Variants in ACACB observed in about 807,000 individuals in gnomAD.
The protein encoded by ACACB is acetyl-CoA carboxylase 2.
A neutral mutation model predicts 278.8 loss-of-function variants in ACACB; 209 were observed. The observed-to-expected ratio is 0.75, with a 90% confidence interval of 0.67 to 0.84. ACACB has a LOEUF of 0.84. Ranked by LOEUF, ACACB falls within the 40% of genes least tolerant of loss-of-function variation. ACACB has a pLI of 0.00. For synonymous variants in ACACB, 1,174 were observed against 1,285.6 expected (o/e 0.91, Z 1.86); for missense variants, 2,850 against 3,269.0 (o/e 0.87, Z 3.13).
chr12:109,216,809 G>T lies in ACACB; in HGVS notation c.3453G>T (p.Lys1151Asn), dbSNP rs200543599. The change falls in exon 24 of 53, where the codon AAG becomes AAT. Residue 1151 changes from lysine to asparagine, a missense_variant. By Grantham distance (94) the Lys-to-Asn change is moderately conservative. Transcript: ENST00000338432. ...TGTCTCCCCCAGCCCACTACGACAAGTGTGTGATAAACCTCAGGGAGCAGT... is the reference window on the plus strand; with the variant it reads ...TGTCTCCCCCAGCCCACTACGACAATTGTGTGATAAACCTCAGGGAGCAGT... ...EHHFQQAHYD[K>N]CVINLREQFK... is the part of the protein sequence containing the mutation. 2 of 1,614,166 alleles carry T rather than the reference G, an allele frequency of 1.2e-6. No homozygotes were observed. The highest frequency in any genetic ancestry group is 8.5e-7 in the Non-Finnish European group (1 of 1,180,028).
intron 19 of ACACB, among the ~76,000 whole-genome samples, chr12:109,205,853 C>T (rs1161775777): frequency 6.6e-6 from 1 of 152,080 alleles, no homozygotes; most frequent in Non-Finnish European, 1.5e-5. Context: ...GTGTTCTCTG[C>T]TGGGAGAACA....
rs757152112 is a variant in ACACB, at chr12:109,233,799, C to T, written c.4191C>T (p.Pro1397=). ...TCGCCAACGTGCCCAAAGACACCCC[C>T]CTCTTCAGCGAGGCCCGCACCTCCC... ...SCFANVPKDT[P]LFSEARTSLY... The change falls in exon 30 of 53, where the codon CCC becomes CCT. Residue 1397 remains proline, a synonymous_variant. Transcript: ENST00000338432. 5.6e-6 allele frequency: 9 copies of T among 1,614,096 alleles called. No homozygotes were observed. The highest frequency in any genetic ancestry group is 7.6e-6 in the Non-Finnish European group (9 of 1,180,052).
intron 16 of ACACB, among the ~76,000 whole-genome samples, chr12:109,194,189 T>G (rs10774612): frequency 0.86 from 129,588 of 150,478 alleles, 55,901 homozygotes; most frequent in Middle Eastern, 0.9. Context: ...GTTTTTTTTT[T>G]TTGTTGTTGT....
intron 28 of ACACB, among the ~76,000 whole-genome samples, chr12:109,230,420 A>AT (rs1304451181): frequency 7.8e-6 from 1 of 127,846 alleles, no homozygotes; most frequent in East Asian, 2.2e-4. Flanking sequence ...GACTCTTTTG[A>AT]TTTTTTTGTT....
intron 37 of ACACB, among the ~76,000 whole-genome samples, chr12:109,243,690 G>A (rs577924736): frequency 3.0e-4 from 46 of 152,246 alleles, no homozygotes; most frequent in African/African-American, 1.1e-3. Flanking sequence ...GTAAGAATAA[G>A]GAAGTAAAAT....
chr12:109,259,380 C>T lies in ACACB; in HGVS notation c.6496+272C>T, dbSNP rs182949307. On this transcript the variant is annotated intron_variant, in intron 47 of 52. Coordinates refer to ENST00000338432, the MANE Select transcript of ACACB (RefSeq NM_001093.4). ...TTGAGGCCAGGAGTTTGAGACCAGC[C>T]TGGGGCAGTATAGCAAGACCCTGTC... is the stretch of plus-strand genomic sequence containing the variant. Among the ~76,000 whole-genome samples the T allele has an allele frequency of 1.5e-4, 23 of 152,078 alleles. No homozygotes were observed. The East Asian group carries it at 4.5e-3, about 29-fold the overall frequency.
chr12:109,257,168 G>T (rs2047248184), intron 45 of ACACB, among the ~76,000 whole-genome samples: 1 of 152,130 alleles, frequency 6.6e-6, no homozygotes, highest in Non-Finnish European at 1.5e-5. Context: ...CAGCTACTCG[G>T]GGGGCTGAAG....
chr12:109,262,478 G>A lies in ACACB; in HGVS notation c.6787+9G>A. On this transcript the variant is annotated intron_variant, in intron 49 of 52. Transcript: ENST00000338432. ...GCTCATGGAACAGCTAGGTAAGGGG[G>A]TCCCAAAGGCTTCACCTCTCAGAGG... 6.2e-7 allele frequency: 1 copy of A among 1,601,818 alleles called. No homozygotes were observed. Among genetic ancestry groups the A allele is most frequent in the Non-Finnish European group, 8.5e-7 (1 of 1,170,066 alleles).
intron 2 of ACACB, among the ~76,000 whole-genome samples, 181 bp from the exon 3 acceptor site, chr12:109,166,680 G>GAAAAA (rs2043916409): frequency 4.2e-5 from 2 of 47,332 alleles, no homozygotes; most frequent in Non-Finnish European, 6.0e-5. Context: ...AAAAAAAACC[G>GAAAAA]AAGGTGCTTC....
At chr12:109,202,305 G>A (rs928811111) in intron 19 of ACACB, among the ~76,000 whole-genome samples, 5 of 151,972 alleles carry the variant, frequency 3.3e-5, no homozygotes, top group Non-Finnish European at 7.4e-5. Flanking sequence ...TTAATTGTTA[G>A]TATTATTATT....
intron 37 of ACACB, among the ~76,000 whole-genome samples, chr12:109,244,206 T>A (rs1403737742): frequency 6.6e-6 from 1 of 152,118 alleles, no homozygotes; most frequent in African/African-American, 2.4e-5. Context: ...GACCTTCCAG[T>A]GTAGGCAGGA....
chr12:109,247,680 C>T lies in ACACB; in HGVS notation c.5646C>T (p.His1882=), dbSNP rs376763701. 2.5e-6 allele frequency: 4 copies of T among 1,613,700 alleles called. No individual in the cohort carries two copies. Among genetic ancestry groups the T allele is most frequent in the Non-Finnish European group, 3.4e-6 (4 of 1,179,844 alleles). The part of the protein sequence containing the change: ...ISSLNSVHCK[H]IEEGGESRYM... ...CCCTGAACTCCGTCCACTGTAAACA[C>T]ATCGAGGAAGGAGGAGAGTCCAGGT... The change falls in exon 40 of 53, where the codon CAC becomes CAT. Residue 1882 remains histidine (H), a synonymous_variant. Coordinates refer to ENST00000338432, the MANE Select transcript of ACACB (RefSeq NM_001093.4).
chr12:109,247,777 T>C, intron 40 of ACACB, 74 bp downstream of exon 40: 1 of 1,264,406 alleles, frequency 7.9e-7, no homozygotes. Flanking sequence ...TCGGGGCTTG[T>C]GGCGATATTT....
intron 37 of ACACB, among the ~76,000 whole-genome samples, chr12:109,243,574 T>G (rs1282488758): frequency 6.6e-6 from 1 of 152,098 alleles, no homozygotes; most frequent in Non-Finnish European, 1.5e-5. Context: ...ACTCTAGCCC[T>G]GGTGACAGAG....
chr12:109,201,520 T>A (rs1341939292), intron 18 of ACACB, 47 bp from the exon 19 acceptor site: 1 of 1,604,536 alleles, frequency 6.2e-7, no homozygotes, highest in Non-Finnish European at 8.5e-7. Context: ...TGGCTCTGGG[T>A]GTCAATCCCG....
At chr12:109,222,427 T>A in intron 24 of ACACB, 80 bp from the exon 25 acceptor site, 1 of 1,286,700 alleles carries the variant, frequency 7.8e-7, no homozygotes, top group Non-Finnish European at 1.1e-6. Context: ...TTGCGGCAGG[T>A]GCTCCCCAAG....
At chr12:109,247,940 G>A (rs1188660495) in intron 40 of ACACB, among the ~76,000 whole-genome samples, 1 of 152,228 alleles carries the variant, frequency 6.6e-6, no homozygotes, top group Non-Finnish European at 1.5e-5. Context: ...CATGTAGGGA[G>A]AATGAGATTG....
chr12:109,133,863 ATTTTTTTTTTTTTT>A lies in ACACB; in HGVS notation c.-9-5528_-9-5515del, dbSNP rs67896522. The stretch of plus-strand genomic sequence containing the variant: ...TATATATATATATATATATATATAT[ATTTTTTTTTTTTTT>A]TTTTTCATTTTTTCAGCACACAGGT... On this transcript the variant is annotated intron_variant, in intron 1 of 52. Coordinates refer to ENST00000338432, the MANE Select transcript of ACACB (RefSeq NM_001093.4). Among the ~76,000 whole-genome samples, 57 of 70,652 alleles carry A rather than the reference ATTTTTTTTTTTTTT, an allele frequency of 8.1e-4. No individual in the cohort carries two copies. In the East Asian group the frequency reaches 0.011, roughly 14 times the overall value. 46.4% of individuals were successfully genotyped at this position (70,652 alleles called of 152,430 possible). A position where few individuals can be genotyped will look rare whatever the true frequency, so the allele number is the denominator to read the frequency against.
In ACACB at chr12:109,122,684, C is replaced by T. The variant is rs117117335; in HGVS notation, c.-10+5980C>T. On this transcript the variant is annotated intron_variant, in intron 1 of 52. Coordinates refer to ENST00000338432, the MANE Select transcript of ACACB (RefSeq NM_001093.4). ...GTTTCAGTCAGCTGGTGGGTACTTGCATTGTATTTTATGAACTTTTTAACT... is the reference window on the plus strand; with the variant it reads ...GTTTCAGTCAGCTGGTGGGTACTTGTATTGTATTTTATGAACTTTTTAACT... Among the ~76,000 whole-genome samples, 732 of 150,650 alleles carry T rather than the reference C, an allele frequency of 4.9e-3. 4 individuals carry two copies. The highest frequency in any genetic ancestry group is 6.7e-3 in the Non-Finnish European group (457 of 67,834).
Sources: allele counts gnomAD v4.1 joint callset (sites outside exome capture counted in the v4.1 genomes callset), GRCh38; gene constraint gnomAD v4.1.1; transcripts MANE v1.5; gene names NCBI Gene and HGNC (gene_info 2026-07-23, HGNC 2026-07-21).